FGGY: variants seen among roughly 807,000 people sequenced by gnomAD.
The protein encoded by FGGY is FGGY carbohydrate kinase domain-containing protein.
Under a neutral mutation model 71.3 loss-of-function variants are expected in FGGY, and 72 were observed. That is an observed-to-expected ratio of 1.01 (90% CI 0.84 to 1.23). The LOEUF is 1.23. FGGY is among the 50% of genes most tolerant of loss of function. FGGY has a pLI of 0.00. For missense variants in FGGY, 668 were observed against 682.3 expected (o/e 0.98, Z 0.23); for synonymous variants, 251 against 250.3 (o/e 1.00, Z -0.02).
intron 14 of FGGY, among the ~76,000 whole-genome samples, chr1:59,685,151 G>T (rs544150666): frequency 6.6e-6 from 1 of 152,282 alleles, no homozygotes; most frequent in Non-Finnish European, 1.5e-5. Context: ...CTATAGCTAG[G>T]TTTGCATGTC....
At chr1:59,583,929 G>C (rs547207337) in intron 8 of FGGY, among the ~76,000 whole-genome samples, 1 of 116,362 alleles carries the variant, frequency 8.6e-6, no homozygotes, top group African/African-American at 3.4e-5. Context: ...ACTGCTGCTC[G>C]GAAGTGTCGA....
intron 6 of FGGY, among the ~76,000 whole-genome samples, chr1:59,457,746 TCACAGG>T (rs2091854733): frequency 6.6e-6 from 1 of 152,098 alleles, no homozygotes; most frequent in Non-Finnish European, 1.5e-5. Context: ...CAAATTAGGT[TCACAGG>T]ACAAGGCAAG....
intron 8 of FGGY, among the ~76,000 whole-genome samples, chr1:59,555,570 T>C (rs186607651): frequency 2.0e-5 from 3 of 152,334 alleles, no homozygotes; most frequent in African/African-American, 7.2e-5. Context: ...AAGCAAACAG[T>C]GGCTGACTCT....
At chr1:59,406,275 G>T (rs563869217) in intron 5 of FGGY, among the ~76,000 whole-genome samples, 1 of 151,864 alleles carries the variant, frequency 6.6e-6, no homozygotes, top group African/African-American at 2.4e-5. Flanking sequence ...GTTCCTAGCC[G>T]ATGGCAAATA....
chr1:59,470,283 A>G (rs543237260), intron 6 of FGGY, among the ~76,000 whole-genome samples: 5 of 152,066 alleles, frequency 3.3e-5, no homozygotes, highest in Admixed American at 3.3e-4. Flanking sequence ...TTATTTTTTG[A>G]CTTTTTAATA....
intron 3 of FGGY, among the ~76,000 whole-genome samples, chr1:59,344,593 G>C (rs1007321712): frequency 9.2e-5 from 14 of 152,166 alleles, no homozygotes; most frequent in African/African-American, 3.4e-4. Context: ...TGTATCTGAG[G>C]GGTACTTGTT....
chr1:59,378,889 C>T, intron 5 of FGGY, 52 bp downstream of exon 5: 1 of 1,435,820 alleles, frequency 7.0e-7, no homozygotes, highest in South Asian at 1.2e-5. Context: ...TCTTGGATGT[C>T]TGTCTATATA....
intron 9 of FGGY, among the ~76,000 whole-genome samples, chr1:59,617,947 T>G (rs372791932): frequency 1.4e-3 from 216 of 152,240 alleles, no homozygotes; most frequent in African/African-American, 5.1e-3. Flanking sequence ...AGCCTCAGGA[T>G]GTCACCTATG....
chr1:59,710,311 G>T (rs1324622004), intron 14 of FGGY, among the ~76,000 whole-genome samples: 2 of 152,164 alleles, frequency 1.3e-5, no homozygotes, highest in African/African-American at 2.4e-5. Flanking sequence ...ATGGATTAAA[G>T]ATTTAAATGT....
At chr1:59,541,718 C>T (rs935324719) in intron 7 of FGGY, among the ~76,000 whole-genome samples, 14 of 151,940 alleles carry the variant, frequency 9.2e-5, no homozygotes, top group African/African-American at 2.7e-4. Context: ...AGAATATATC[C>T]GAAAGAAATG....
At chr1:59,379,042 T>C (rs546796203) in intron 5 of FGGY, among the ~76,000 whole-genome samples, 1 of 152,174 alleles carries the variant, frequency 6.6e-6, no homozygotes, top group Admixed American at 6.5e-5. Context: ...GGAATGTGAG[T>C]ATCCAAGGTG....
intron 4 of FGGY, among the ~76,000 whole-genome samples, chr1:59,371,857 C>T (rs1325007734): frequency 6.6e-6 from 1 of 152,106 alleles, no homozygotes; most frequent in Non-Finnish European, 1.5e-5. Context: ...TCTTTGAAAC[C>T]AATGAGAACA....
chr1:59,442,333 G>GAAAC (rs2070124647), intron 5 of FGGY, among the ~76,000 whole-genome samples: 1 of 152,164 alleles, frequency 6.6e-6, no homozygotes, highest in Non-Finnish European at 1.5e-5. Flanking sequence ...CTTCTGAAGA[G>GAAAC]CTGATGTATT....
chr1:59,725,515 C>T (rs112137428), intron 14 of FGGY, among the ~76,000 whole-genome samples: 5,674 of 152,184 alleles, frequency 0.037, 346 homozygotes, highest in African/African-American at 0.13. Context: ...AAATAGTTCG[C>T]TGAAAATTCA....
intron 6 of FGGY, among the ~76,000 whole-genome samples, chr1:59,488,933 C>G (rs1485490675): frequency 6.6e-6 from 1 of 151,950 alleles, no homozygotes; most frequent in Non-Finnish European, 1.5e-5. Context: ...GATTATAAAG[C>G]AATGGAAAAT....
chr1:59,568,239 T>C (rs2095909978), intron 8 of FGGY, among the ~76,000 whole-genome samples: 1 of 152,170 alleles, frequency 6.6e-6, no homozygotes, highest in African/African-American at 2.4e-5. Context: ...AGACTTTTGG[T>C]ATTTGAAATG....
chr1:59,364,022 C>T (rs1166498829), intron 4 of FGGY, among the ~76,000 whole-genome samples: 1 of 152,156 alleles, frequency 6.6e-6, no homozygotes, highest in Non-Finnish European at 1.5e-5. Flanking sequence ...CCAGTTGAAA[C>T]AGTAAAGTAC....
At chr1:59,541,403 C>A (rs570002287) in intron 7 of FGGY, among the ~76,000 whole-genome samples, 1 of 152,082 alleles carries the variant, frequency 6.6e-6, no homozygotes, top group African/African-American at 2.4e-5. Context: ...CAGTGCCCAC[C>A]GACAGCACAG....
At chr1:59,471,685 C>A (rs1364510584) in intron 6 of FGGY, among the ~76,000 whole-genome samples, 1 of 152,210 alleles carries the variant, frequency 6.6e-6, no homozygotes, top group South Asian at 2.1e-4. Context: ...CCACACTCCC[C>A]AAGTGTCTCC....
Sources: allele counts gnomAD v4.1 joint callset (sites outside exome capture counted in the v4.1 genomes callset), GRCh38; gene constraint gnomAD v4.1.1; transcripts MANE v1.5; gene names NCBI Gene and HGNC (gene_info 2026-07-23, HGNC 2026-07-21).